ATRX: variants seen among roughly 807,000 people sequenced by gnomAD.
The protein encoded by ATRX is ATRX chromatin remodeler.
ATRX carries 12 observed loss-of-function variants against 172.6 expected under a neutral mutation model. That is an observed-to-expected ratio of 0.07 (90% CI 0.04 to 0.11). The LOEUF (loss-of-function observed/expected upper bound fraction) is 0.11. ATRX is among the 10% of genes least tolerant of loss of function. ATRX has a pLI of 1.00. For missense variants in ATRX, 1,368 were observed against 1,767.4 expected (o/e 0.77, Z 4.05); for synonymous variants, 674 against 594.7 (o/e 1.13, Z -1.94).
At chrX:77,776,654 C>T (rs1557202470) in intron 1 of ATRX, among the ~76,000 whole-genome samples, 3 of 112,006 alleles carry the variant, frequency 2.7e-5, no homozygotes, top group Non-Finnish European at 5.6e-5. Context: ...ATAAATGTGG[C>T]ACTTTACTTT....
At chrX:77,747,503 TATA>T (rs2075130313) in intron 1 of ATRX, among the ~76,000 whole-genome samples, 2 of 111,293 alleles carry the variant, frequency 1.8e-5, no homozygotes, top group Non-Finnish European at 3.8e-5. Context: ...CAGCCTGAGC[TATA>T]GAGTGAGACT....
At chrX:77,627,190 G>A (rs1186024826) in intron 19 of ATRX, among the ~76,000 whole-genome samples, 2 of 110,597 alleles carry the variant, frequency 1.8e-5, no homozygotes, top group Admixed American at 1.9e-4. Context: ...CCGAGATCGC[G>A]CCACTGCGCT....
At chrX:77,717,378 G>A in intron 1 of ATRX, 135 bp from the exon 2 acceptor site, 1 of 518,941 alleles carries the variant, frequency 1.9e-6, no homozygotes, top group East Asian at 3.7e-5. Context: ...TAAAAACTAA[G>A]GGAAATGTTA....
intron 34 of ATRX, among the ~76,000 whole-genome samples, chrX:77,509,529 G>A (rs1230097321): frequency 8.9e-6 from 1 of 111,895 alleles, no homozygotes; most frequent in South Asian, 3.8e-4. Flanking sequence ...GGCACTAAAG[G>A]GGGTAGGAAA....
chrX:77,691,202 T>C (rs1248734556), intron 6 of ATRX: 7 of 112,195 alleles, frequency 6.2e-5, no homozygotes, highest in Non-Finnish European at 1.1e-4. Flanking sequence ...TGCACATGCA[T>C]AAAACTTCAA....
rs148975763 is a variant in ATRX at position 77,635,979 on chromosome X, G to T, written c.4635C>A (p.Thr1545=). The change falls in exon 16 of 35, where the codon ACC becomes ACA. Residue 1545 remains threonine (T), a synonymous_variant. Coordinates refer to ENST00000373344, the MANE Select transcript of ATRX (RefSeq NM_000489.6). The part of the protein sequence containing the change: ...TKLVLDEDEE[T]KEPLVQVHRN... Reference sequence around the variant, plus strand: ...TATGAACCTGCACTAAAGGTTCTTTGGTTTCTTCATCTTCATCTAAAACCA... The same window carrying T: ...TATGAACCTGCACTAAAGGTTCTTTTGTTTCTTCATCTTCATCTAAAACCA... The T allele has an allele frequency of 6.1e-4, 730 of 1,206,259 alleles. 5 individuals carry two copies. The African/African-American group carries it at 0.012, about 19-fold the overall frequency.
intron 19 of ATRX, among the ~76,000 whole-genome samples, chrX:77,627,243 A>G (rs1557103672): frequency 9.0e-6 from 1 of 111,609 alleles, no homozygotes. Context: ...AAAAAAAAAA[A>G]TTAAATAAAA....
chrX:77,572,772 T>TAATC (rs1446578520), intron 28 of ATRX, among the ~76,000 whole-genome samples: 3 of 112,070 alleles, frequency 2.7e-5, no homozygotes, highest in Non-Finnish European at 5.7e-5. Context: ...AACAATTATA[T>TAATC]AATCAATCAT....
rs370939089 is a variant in ATRX, at chrX:77,643,262, A to AACAC, written c.4558-7210_4558-7207dup. The stretch of plus-strand genomic sequence containing the variant: ...AGAAGGACAACAAGAACAGCTTTAA[A>AACAC]ACACACACACACACACACACACAAA... On this transcript the variant is annotated intron_variant, in intron 15 of 34. Coordinates refer to ENST00000373344, the MANE Select transcript of ATRX (RefSeq NM_000489.6). 5.2e-3 allele frequency among the ~76,000 whole-genome samples: 560 copies of AACAC among 108,094 alleles called. 13 individuals carry two copies. The highest frequency in any genetic ancestry group is 0.046 in the Admixed American group (464 of 10,044). 93.9% of individuals were successfully genotyped at this position (108,094 alleles called of 115,157 possible). A position where few individuals can be genotyped will look rare whatever the true frequency, so the allele number is the denominator to read the frequency against.
chrX:77,654,755 C>CA (rs1280674769), intron 13 of ATRX, among the ~76,000 whole-genome samples: 1 of 111,110 alleles, frequency 9.0e-6, no homozygotes, highest in Non-Finnish European at 1.9e-5. Context: ...GGCAGTTCGT[C>CA]AAAAAATTAA....
At chrX:77,688,506 T>C (rs1390676405) in intron 7 of ATRX, among the ~76,000 whole-genome samples, 2 of 111,451 alleles carry the variant, frequency 1.8e-5, no homozygotes, top group African/African-American at 6.5e-5. Flanking sequence ...CTGAATACTA[T>C]GTTGCCTCTT....
chrX:77,728,626 A>T (rs181674946), intron 1 of ATRX, among the ~76,000 whole-genome samples: 1 of 111,463 alleles, frequency 9.0e-6, no homozygotes, highest in Admixed American at 9.6e-5. Context: ...TGAAATAGAC[A>T]CTCTCATAGA....
At chrX:77,511,710 C>T (rs193122966) in intron 34 of ATRX, among the ~76,000 whole-genome samples, 80 of 111,246 alleles carry the variant, frequency 7.2e-4, no homozygotes, top group African/African-American at 2.0e-3. Context: ...ATAGCAGAAC[C>T]GATCAAGGAG....
At chrX:77,540,993 T>TA (rs1232359319) in intron 30 of ATRX, among the ~76,000 whole-genome samples, 1 of 110,036 alleles carries the variant, frequency 9.1e-6, no homozygotes. Flanking sequence ...GATAGAGACA[T>TA]AAAAAAACCT....
chrX:77,633,530 C>CTATTT (rs2068208253), intron 18 of ATRX, 36 bp downstream of exon 18: 1 of 1,173,301 alleles, frequency 8.5e-7, no homozygotes, highest in African/African-American at 1.8e-5. Context: ...TTTCATGTGA[C>CTATTT]TATTTTAATA....
intron 1 of ATRX, among the ~76,000 whole-genome samples, chrX:77,737,447 G>C (rs1258274877): frequency 1.3e-4 from 9 of 67,835 alleles, no homozygotes; most frequent in African/African-American, 5.5e-4. Context: ...GGGGGGGGGG[G>C]CCTAGTATTT....
At chrX:77,583,307 C>T (rs1413373019) in intron 27 of ATRX, among the ~76,000 whole-genome samples, 3 of 111,078 alleles carry the variant, frequency 2.7e-5, no homozygotes, top group East Asian at 5.7e-4. Context: ...GTGGACCGCT[C>T]GAGGTCAGGA....
At chrX:77,528,312 T>C (rs966499607) in intron 30 of ATRX, among the ~76,000 whole-genome samples, 3 of 111,688 alleles carry the variant, frequency 2.7e-5, no homozygotes, top group Non-Finnish European at 5.7e-5. Flanking sequence ...AAATCAGCCA[T>C]TTCAGCTTGC....
chrX:77,574,138 G>A (rs782004967), intron 28 of ATRX, 112 bp downstream of exon 28: 387 of 521,076 alleles, frequency 7.4e-4, no homozygotes, highest in Non-Finnish European at 1.1e-3. Context: ...CAACCTGACT[G>A]TACCTTGCAT....
Sources: allele counts gnomAD v4.1 joint callset (sites outside exome capture counted in the v4.1 genomes callset), GRCh38; gene constraint gnomAD v4.1.1; transcripts MANE v1.5; gene names NCBI Gene and HGNC (gene_info 2026-07-23, HGNC 2026-07-21).